The following EML1 variants were observed in gnomAD, a reference collection of about 807,000 sequenced individuals.
The protein encoded by EML1 is echinoderm microtubule-associated protein-like 1.
Under a neutral mutation model 110.4 loss-of-function variants are expected in EML1, and 27 were observed. The observed-to-expected ratio is 0.24, with a 90% CI of 0.18 to 0.34. EML1 has a LOEUF of 0.34. Ranked by LOEUF, EML1 falls within the 10% of genes least tolerant of loss-of-function variation. The pLI, the probability that EML1 is intolerant of heterozygous loss-of-function variation, is 1.00. For missense variants in EML1, 741 were observed against 1,030.9 expected (o/e 0.72, Z 3.85); for synonymous variants, 344 against 385.8 (o/e 0.89, Z 1.27).
chr14:99,806,894 C>A (rs1230302174), intron 1 of EML1, among the ~76,000 whole-genome samples: 1 of 152,122 alleles, frequency 6.6e-6, no homozygotes, highest in African/African-American at 2.4e-5. Flanking sequence ...TGACATATGC[C>A]TTCTGATCGC....
intron 4 of EML1, chr14:99,885,979 G>A: frequency 2.3e-6 from 1 of 435,060 alleles, no homozygotes; most frequent in South Asian, 1.7e-5. Flanking sequence ...AAGCTGGGAA[G>A]TATTGGTTGG....
upstream of EML1, chr14:99,793,237 C>G (rs1222577979): frequency 2.9e-6 from 2 of 701,002 alleles, no homozygotes; most frequent in East Asian, 1.3e-4. Flanking sequence ...CCACGTCCCC[C>G]TCCCGGCCCG....
chr14:99,766,380 G>A (rs780523032), intron 1 of EML1, among the ~76,000 whole-genome samples: 1 of 151,926 alleles, frequency 6.6e-6, no homozygotes, highest in Non-Finnish European at 1.5e-5. Context: ...TTTTAGTAGA[G>A]ACAGGGTTTC....
intron 1 of EML1, among the ~76,000 whole-genome samples, chr14:99,756,967 A>G (rs8014181): frequency 0.52 from 78,818 of 152,112 alleles, 20,561 homozygotes; most frequent in South Asian, 0.58. Context: ...AATGACACGC[A>G]GTTCTACACA....
At chr14:99,892,545 G>T (rs2059605623) in intron 5 of EML1, among the ~76,000 whole-genome samples, 1 of 152,130 alleles carries the variant, frequency 6.6e-6, no homozygotes, top group Non-Finnish European at 1.5e-5. Context: ...GGGTTTGGTG[G>T]CGTGTGTGCT....
intron 1 of EML1, among the ~76,000 whole-genome samples, chr14:99,804,166 G>GT (rs2057931205): frequency 6.6e-6 from 1 of 152,118 alleles, no homozygotes; most frequent in South Asian, 2.1e-4. Flanking sequence ...CTTTTATTGA[G>GT]TTGATATAAT....
At position 99,897,312 on chromosome 14, in the gene EML1, T is replaced by G. The variant is rs748435779; in HGVS notation, c.827+18T>G. The G allele has an allele frequency of 1.3e-6, 2 of 1,573,586 alleles. No homozygotes were observed. The highest frequency in any genetic ancestry group is 2.7e-5 in the African/African-American group (2 of 72,964). On this transcript the variant is annotated intron_variant, in intron 7 of 21. Transcript: ENST00000262233. ...GTGAAGTGGTAAGTCCTGAAACAGG[T>G]CATTCCTGCGACTCAGAAGGCGAAG... is the stretch of plus-strand genomic sequence containing the variant.
intron 5 of EML1, among the ~76,000 whole-genome samples, chr14:99,893,802 G>A (rs1160578815): frequency 6.6e-6 from 1 of 152,152 alleles, no homozygotes; most frequent in African/African-American, 2.4e-5. Flanking sequence ...AATCTGAACA[G>A]AATTCACCAG....
intron 1 of EML1, among the ~76,000 whole-genome samples, chr14:99,777,609 G>A (rs547518097): frequency 3.9e-5 from 6 of 152,118 alleles, no homozygotes; most frequent in African/African-American, 1.2e-4. Context: ...TAGTAGAGAC[G>A]GGGTTTCACC....
chr14:99,919,437 C>G (rs11623531), intron 16 of EML1, among the ~76,000 whole-genome samples: 45 of 75,678 alleles, frequency 5.9e-4, no homozygotes, highest in South Asian at 9.4e-4. Flanking sequence ...CACACACACA[C>G]ACACACACAC....
intron 1 of EML1, among the ~76,000 whole-genome samples, chr14:99,757,099 C>T (rs1000964202): frequency 6.6e-5 from 10 of 152,268 alleles, no homozygotes; most frequent in African/African-American, 2.4e-4. Flanking sequence ...AAGCACTTTG[C>T]GAGGCCGAGG....
chr14:99,902,271 A>G (rs932141397), intron 9 of EML1, among the ~76,000 whole-genome samples: 1 of 152,208 alleles, frequency 6.6e-6, no homozygotes, highest in African/African-American at 2.4e-5. Context: ...TAACTGGGCA[A>G]CTATTGGAAC....
intron 6 of EML1, 102 bp from the exon 7 acceptor site, chr14:99,897,043 G>A: frequency 1.9e-6 from 2 of 1,063,994 alleles, no homozygotes; most frequent in Non-Finnish European, 2.6e-6. Flanking sequence ...TGATGCTGAT[G>A]GTAATAGTTA....
intron 17 of EML1, among the ~76,000 whole-genome samples, chr14:99,929,630 T>C (rs1241265661): frequency 1.3e-5 from 2 of 152,178 alleles, no homozygotes; most frequent in Non-Finnish European, 2.9e-5. Flanking sequence ...TTACACAAGA[T>C]TTTTCCAGCA....
At chr14:99,751,717 A>G (rs1296666995) in intron 1 of EML1, among the ~76,000 whole-genome samples, 5 of 152,128 alleles carry the variant, frequency 3.3e-5, no homozygotes, top group Non-Finnish European at 5.9e-5. Context: ...GCTGGTGCAA[A>G]GGCCCTGAGT....
chr14:99,941,749 A>G lies in EML1; in HGVS notation c.*1637A>G, dbSNP rs1241242131. The G allele has an allele frequency of 6.6e-6, 1 of 152,224 alleles. No individual in the cohort carries two copies. The highest frequency in any genetic ancestry group is 2.4e-5 in the African/African-American group (1 of 41,458). The allele number at this position is 152,224 out of a possible 1,614,324, so 9.4% of individuals were successfully genotyped here. ...CCATAAAGGATTTGGCCTAATTACC[A>G]TACTCAATTGTCAGTTTACGTGGTT... On this transcript the variant is annotated 3_prime_UTR_variant, in exon 22 of 22. Transcript: ENST00000262233.
intron 1 of EML1, among the ~76,000 whole-genome samples, chr14:99,776,907 A>G (rs1566859844): frequency 5.9e-5 from 9 of 152,232 alleles, no homozygotes; most frequent in Admixed American, 5.9e-4. Flanking sequence ...AGCTTCAACC[A>G]CTGTTGTCCC....
intron 12 of EML1, among the ~76,000 whole-genome samples, chr14:99,911,003 C>T (rs1267105822): frequency 6.6e-6 from 1 of 152,204 alleles, no homozygotes; most frequent in Non-Finnish European, 1.5e-5. Context: ...AGTATCCCTG[C>T]TGCTCTTGGC....
chr14:99,834,629 G>A (rs2058511137), intron 1 of EML1, among the ~76,000 whole-genome samples: 3 of 151,992 alleles, frequency 2.0e-5, no homozygotes, highest in Admixed American at 1.3e-4. Context: ...ATATTGGTCT[G>A]TAGTTTTCTT....
Sources: allele counts gnomAD v4.1 joint callset (sites outside exome capture counted in the v4.1 genomes callset), GRCh38; gene constraint gnomAD v4.1.1; transcripts MANE v1.5; gene names NCBI Gene and HGNC (gene_info 2026-07-23, HGNC 2026-07-21).